ANAPC1: variants seen among roughly 807,000 people sequenced by gnomAD.
ANAPC1 encodes the protein anaphase-promoting complex subunit 1.
In ANAPC1, 36 loss-of-function variants were observed where a neutral mutation model predicts 208.0. The observed-to-expected ratio is 0.17, with a 90% CI of 0.13 to 0.23. ANAPC1 has a LOEUF of 0.23. ANAPC1 is among the 10% of genes least tolerant of loss of function. The probability of loss-of-function intolerance (pLI) is 1.00; values close to 1 mark genes in which losing one functional copy is unlikely to be tolerated. For synonymous variants in ANAPC1, 378 were observed against 695.2 expected (o/e 0.54, Z 7.18); for missense variants, 942 against 2,011.6 (o/e 0.47, Z 10.17).
intron 11 of ANAPC1, among the ~76,000 whole-genome samples, chr2:111,857,436 A>G (rs1363233265): frequency 6.6e-6 from 1 of 152,270 alleles, no homozygotes; most frequent in Non-Finnish European, 1.5e-5. Flanking sequence ...TGAATGGCTA[A>G]TAACTTCATG....
At chr2:111,785,304 C>T in intron 40 of ANAPC1, 56 bp downstream of exon 40, 2 of 595,806 alleles carry the variant, frequency 3.4e-6, no homozygotes, top group South Asian at 3.8e-5. Context: ...AATATTATGA[C>T]CTGCAAAGAC....
At chr2:111,787,958 C>CT (rs1375909832) in intron 39 of ANAPC1, among the ~76,000 whole-genome samples, 3 of 149,812 alleles carry the variant, frequency 2.0e-5, no homozygotes, top group Non-Finnish European at 4.4e-5. Context: ...GATTTTTTCC[C>CT]TAAAGACAAC....
At chr2:111,826,187 T>C (rs905465379) in intron 21 of ANAPC1, among the ~76,000 whole-genome samples, 2 of 152,216 alleles carry the variant, frequency 1.3e-5, no homozygotes, top group African/African-American at 2.4e-5. Context: ...CACACCTAGC[T>C]ACATAATTGA....
chr2:111,850,750 T>C (rs764273457), intron 14 of ANAPC1, 26 bp downstream of exon 14: 4 of 1,597,998 alleles, frequency 2.5e-6, no homozygotes. Context: ...TGTTAACTTT[T>C]TGGCAACACC....
intron 17 of ANAPC1, among the ~76,000 whole-genome samples, chr2:111,842,730 TA>T (rs1334855395): frequency 6.6e-6 from 1 of 152,088 alleles, no homozygotes; most frequent in South Asian, 2.1e-4. Context: ...GGGGTAATTA[TA>T]ATCTAGAGTG....
chr2:111,853,054 G>A (rs1681496602), intron 13 of ANAPC1, among the ~76,000 whole-genome samples: 1 of 152,124 alleles, frequency 6.6e-6, no homozygotes, highest in Non-Finnish European at 1.5e-5. Flanking sequence ...TCAACCAAAT[G>A]GAATGAACTG....
chr2:111,788,486 C>T (rs568518386), intron 38 of ANAPC1, among the ~76,000 whole-genome samples, 166 bp from the exon 39 acceptor site: 31 of 151,698 alleles, frequency 2.0e-4, no homozygotes, highest in Admixed American at 1.5e-3. Flanking sequence ...TTCATTTAGT[C>T]CTTGGGCCAT....
intron 14 of ANAPC1, among the ~76,000 whole-genome samples, chr2:111,849,241 G>T (rs1681260964): frequency 6.6e-6 from 1 of 152,186 alleles, no homozygotes. Flanking sequence ...AATGTGTTAA[G>T]ACTATCATTT....
chr2:111,842,954 A>C (rs1680847955), intron 17 of ANAPC1, among the ~76,000 whole-genome samples: 1 of 152,186 alleles, frequency 6.6e-6, no homozygotes, highest in South Asian at 2.1e-4. Context: ...ATCTCCCTCA[A>C]ATCAAACCTT....
At chr2:111,865,954 C>T (rs560794294) in intron 7 of ANAPC1, 5 of 199,776 alleles carry the variant, frequency 2.5e-5, no homozygotes, top group Non-Finnish European at 4.1e-5. Context: ...GCCTGTAATC[C>T]CAGCACTTTG....
chr2:111,863,935 C>G, intron 8 of ANAPC1, 40 bp from the exon 9 acceptor site: 1 of 1,464,878 alleles, frequency 6.8e-7, no homozygotes, highest in Non-Finnish European at 9.1e-7. Context: ...AAAAAAAAAA[C>G]AATAATTAGA....
At chr2:111,873,216 C>G in intron 5 of ANAPC1, 92 bp downstream of exon 5, 2 of 1,221,606 alleles carry the variant, frequency 1.6e-6, no homozygotes, top group South Asian at 2.0e-5. Flanking sequence ...TTGACTACTA[C>G]GAAACATGAG....
intron 3 of ANAPC1, 152 bp downstream of exon 3, chr2:111,878,658 T>C: frequency 8.1e-7 from 1 of 1,228,068 alleles, no homozygotes; most frequent in Non-Finnish European, 1.1e-6. Context: ...TTTCCTGCCA[T>C]TATCTTCACA....
chr2:111,832,452 G>A (rs1217104249), intron 20 of ANAPC1, among the ~76,000 whole-genome samples: 1 of 152,048 alleles, frequency 6.6e-6, no homozygotes, highest in East Asian at 1.9e-4. Context: ...GTCTAGGATA[G>A]TACAGTGGTG....
At chr2:111,871,541 G>A (rs1157592376) in intron 6 of ANAPC1, among the ~76,000 whole-genome samples, 3 of 152,024 alleles carry the variant, frequency 2.0e-5, no homozygotes, top group Admixed American at 6.6e-5. Flanking sequence ...ACCTGAGGTC[G>A]GGAGTTCGAG....
Position 111,794,071 on chromosome 2 carries a change from G to T in ANAPC1, c.4518+7C>A. On this transcript the variant is annotated splice_region_variant and intron_variant, in intron 37 of 47. Transcript: ENST00000341068. ...TTATTCCCAAGGAGAATGATAAAAA[G>T]ACTTACAACAGAAGCATTAGGTGCG... 2.2e-6 allele frequency: 3 copies of T among 1,374,774 alleles called. No individual in the cohort carries two copies. Among genetic ancestry groups the T allele is most frequent in the Non-Finnish European group, 2.0e-6 (2 of 1,020,100 alleles). The allele number at this position is 1,374,774 out of a possible 1,614,324, so 85.2% of individuals were successfully genotyped here. A position where few individuals can be genotyped will look rare whatever the true frequency, so the allele number is the denominator to read the frequency against.
intron 4 of ANAPC1, 78 bp from the exon 5 acceptor site, chr2:111,873,486 A>G: frequency 2.6e-6 from 4 of 1,531,976 alleles, no homozygotes; most frequent in Non-Finnish European, 3.5e-6. Flanking sequence ...AAATTATTTA[A>G]TGCACAATAT....
intron 27 of ANAPC1, among the ~76,000 whole-genome samples, chr2:111,817,621 T>C (rs1272999415): frequency 6.6e-6 from 1 of 151,804 alleles, no homozygotes; most frequent in Non-Finnish European, 1.5e-5. Flanking sequence ...ATTTCCTGCA[T>C]GCTGCTCAAA....
chr2:111,869,442 G>A (rs549082814), intron 6 of ANAPC1, among the ~76,000 whole-genome samples: 7 of 151,984 alleles, frequency 4.6e-5, no homozygotes, highest in East Asian at 1.9e-4. Context: ...ACAGGGTTTC[G>A]CCACGTTGGG....
Sources: gnomAD v4.1 joint callset for allele counts (sites outside exome capture counted in the v4.1 genomes callset) on GRCh38, gnomAD v4.1.1 for gene constraint, MANE v1.5 for transcripts, NCBI Gene and HGNC (gene_info 2026-07-23, HGNC 2026-07-21) for gene names.